NELL1: variants seen among roughly 807,000 people sequenced by gnomAD.
The protein encoded by NELL1 is neural EGFL like 1.
A neutral mutation model predicts 107.4 loss-of-function variants in NELL1; 76 were observed. The observed-to-expected ratio is 0.71, with a 90% confidence interval of 0.59 to 0.86. The LOEUF (loss-of-function observed/expected upper bound fraction) is 0.86. Ranked by LOEUF, NELL1 falls within the 40% of genes least tolerant of loss-of-function variation. The probability of loss-of-function intolerance (pLI) is 0.00; values close to 1 mark genes in which losing one functional copy is unlikely to be tolerated. For missense variants in NELL1, 1,024 were observed against 1,005.5 expected (o/e 1.02, Z -0.25); for synonymous variants, 353 against 341.2 (o/e 1.03, Z -0.38).
chr11:21,307,214 T>G (rs1849624608), intron 14 of NELL1, among the ~76,000 whole-genome samples: 1 of 151,932 alleles, frequency 6.6e-6, no homozygotes, highest in South Asian at 2.1e-4. Flanking sequence ...CTTTGACTAA[T>G]TAAAATTTAA....
At chr11:20,763,983 T>G (rs1282016898) in intron 2 of NELL1, among the ~76,000 whole-genome samples, 5 of 152,260 alleles carry the variant, frequency 3.3e-5, no homozygotes, top group Admixed American at 3.3e-4. Flanking sequence ...CTGGCAACAT[T>G]GTGCCATGAG....
At chr11:20,779,776 G>C (rs542875370) in intron 2 of NELL1, among the ~76,000 whole-genome samples, 1 of 152,338 alleles carries the variant, frequency 6.6e-6, no homozygotes, top group East Asian at 1.9e-4. Context: ...GCAGGATCAA[G>C]TGATTAACTG....
At chr11:20,914,103 C>G (rs961748342) in intron 5 of NELL1, among the ~76,000 whole-genome samples, 2 of 152,052 alleles carry the variant, frequency 1.3e-5, no homozygotes, top group Non-Finnish European at 2.9e-5. Context: ...AGTGACCCAG[C>G]ACTGGTTTTG....
rs1217068156 is a variant in NELL1 at position 21,177,187 on chromosome 11, T to C, written c.1427-52145T>C. Among the ~76,000 whole-genome samples the C allele has an allele frequency of 2.6e-5, 4 of 151,786 alleles. 1 individual carries two copies. Among genetic ancestry groups the C allele is most frequent in the African/African-American group, 7.3e-5 (3 of 41,106 alleles). ...GAACTATAGTCGCCATGCTATGCAA[T>C]AGATGACCAGAACTGATTTTTTTGT... On this transcript the variant is annotated intron_variant, in intron 13 of 19. Coordinates refer to ENST00000357134, the MANE Select transcript of NELL1 (RefSeq NM_006157.5).
At chr11:20,845,861 A>T (rs559572987) in intron 3 of NELL1, among the ~76,000 whole-genome samples, 1 of 152,094 alleles carries the variant, frequency 6.6e-6, no homozygotes, top group African/African-American at 2.4e-5. Flanking sequence ...CAGACATGGG[A>T]TATATATTTT....
At chr11:21,381,321 T>G (rs1282832004) in intron 15 of NELL1, among the ~76,000 whole-genome samples, 1 of 151,972 alleles carries the variant, frequency 6.6e-6, no homozygotes, top group Non-Finnish European at 1.5e-5. Context: ...GCACAATCTC[T>G]GAAGTCACAC....
chr11:21,094,757 C>A (rs1854602034), intron 12 of NELL1, among the ~76,000 whole-genome samples: 1 of 152,156 alleles, frequency 6.6e-6, no homozygotes, highest in Non-Finnish European at 1.5e-5. Flanking sequence ...CACAGGTCAC[C>A]AAGTCCCTAG....
intron 13 of NELL1, among the ~76,000 whole-genome samples, chr11:21,219,973 G>A (rs1311820500): frequency 1.3e-5 from 2 of 152,146 alleles, no homozygotes; most frequent in African/African-American, 4.8e-5. Flanking sequence ...ACAGGAACAG[G>A]AGGAAGAGAG....
chr11:21,398,656 G>C (rs368490544), intron 15 of NELL1, among the ~76,000 whole-genome samples: 1 of 151,752 alleles, frequency 6.6e-6, no homozygotes, highest in Admixed American at 6.6e-5. Context: ...CAGAGATTCT[G>C]TTCCTACCAA....
At chr11:21,135,603 T>A (rs1389994959) in intron 13 of NELL1, among the ~76,000 whole-genome samples, 2 of 152,168 alleles carry the variant, frequency 1.3e-5, no homozygotes, top group African/African-American at 4.8e-5. Flanking sequence ...AAAACAGGAA[T>A]GATAACAATA....
intron 13 of NELL1, among the ~76,000 whole-genome samples, chr11:21,197,243 A>T (rs537284902): frequency 6.6e-6 from 1 of 151,806 alleles, no homozygotes; most frequent in South Asian, 2.1e-4. Flanking sequence ...TATGACAGAT[A>T]ACACATAAAA....
intron 14 of NELL1, among the ~76,000 whole-genome samples, chr11:21,360,167 T>C (rs1233827699): frequency 2.0e-5 from 3 of 152,080 alleles, no homozygotes; most frequent in Non-Finnish European, 4.4e-5. Context: ...TGCTGTATCC[T>C]AGAGATTCTG....
chr11:21,012,754 G>A (rs1311578909), intron 12 of NELL1, among the ~76,000 whole-genome samples: 1 of 152,044 alleles, frequency 6.6e-6, no homozygotes. Flanking sequence ...CTGTCCTCTT[G>A]TACAGAGTCA....
chr11:21,009,575 C>T (rs983203877), intron 12 of NELL1, among the ~76,000 whole-genome samples: 17 of 152,114 alleles, frequency 1.1e-4, no homozygotes, highest in Middle Eastern at 6.8e-3. Flanking sequence ...CTTGAAATCA[C>T]GACTACCCAG....
At chr11:21,527,784 T>C (rs1424254183) in intron 15 of NELL1, among the ~76,000 whole-genome samples, 4 of 152,168 alleles carry the variant, frequency 2.6e-5, no homozygotes, top group Non-Finnish European at 4.4e-5. Context: ...TGGAGTCTGA[T>C]ATTTGAGGGC....
chr11:20,849,245 A>G (rs1202598172), intron 4 of NELL1, among the ~76,000 whole-genome samples: 1 of 152,118 alleles, frequency 6.6e-6, no homozygotes, highest in Non-Finnish European at 1.5e-5. Context: ...GTAATTTCCA[A>G]CTTAAGAGTC....
chr11:20,694,646 C>A (rs1792981), intron 2 of NELL1, among the ~76,000 whole-genome samples: 1 of 151,780 alleles, frequency 6.6e-6, no homozygotes, highest in South Asian at 2.1e-4. Context: ...GTACTAATAC[C>A]ATGCTGTTTA....
At chr11:21,107,470 C>T (rs912265857) in intron 12 of NELL1, among the ~76,000 whole-genome samples, 14 of 152,170 alleles carry the variant, frequency 9.2e-5, no homozygotes, top group African/African-American at 3.4e-4. Context: ...TGCAAGTTAT[C>T]TTACCAGTCC....
At chr11:20,689,027 G>C (rs1348326263) in intron 2 of NELL1, among the ~76,000 whole-genome samples, 1 of 152,092 alleles carries the variant, frequency 6.6e-6, no homozygotes, top group Non-Finnish European at 1.5e-5. Flanking sequence ...GAGTGATGTG[G>C]AGCGTTTTTT....
Sources: allele counts gnomAD v4.1 joint callset (sites outside exome capture counted in the v4.1 genomes callset), GRCh38; gene constraint gnomAD v4.1.1; transcripts MANE v1.5; gene names NCBI Gene and HGNC (gene_info 2026-07-23, HGNC 2026-07-21).